The following RPL13A variants were observed in gnomAD, a reference collection of about 807,000 sequenced individuals.
The protein encoded by RPL13A is ribosomal protein L13a.
RPL13A carries 4 observed loss-of-function variants against 30.8 expected under a neutral mutation model. The ratio of observed to expected loss-of-function variants is 0.13; its 90% CI spans 0.06 to 0.30. RPL13A has a LOEUF of 0.30. Ranked by LOEUF, RPL13A falls within the 10% of genes least tolerant of loss-of-function variation. The pLI is 1.00. For synonymous variants in RPL13A, 108 were observed against 104.2 expected (o/e 1.04, Z -0.22); for missense variants, 196 against 272.6 (o/e 0.72, Z 1.98).
At chr19:49,487,923 G>A (rs1358749332) in intron 1 of RPL13A, among the ~76,000 whole-genome samples, 1 of 152,094 alleles carries the variant, frequency 6.6e-6, no homozygotes. Flanking sequence ...CTTGAACTCG[G>A]GTAGTGGGTG....
rs199924401 is a variant in RPL13A at position 49,491,076 on chromosome 19, G to A, written c.379G>A (p.Val127Met). Residue 127 changes from valine (V) to methionine (M), a missense_variant, in exon 6 of 8, where the codon GTG becomes ATG. Val to Met is a conservative substitution (Grantham distance 21). Transcript: ENST00000391857. Reference protein sequence around the residue: ...RMVVPAALKVVRLKPTRKFAY... With the variant: ...RMVVPAALKVMRLKPTRKFAY... ...GGTGGTTCCTGCTGCCCTCAAGGTC[G>A]TGCGTCTGAAGCCTACAAGAAAGGT... 642 of 1,614,086 alleles carry A rather than the reference G, an allele frequency of 4.0e-4. 1 individual carries two copies. The highest frequency in any genetic ancestry group is 4.9e-4 in the Non-Finnish European group (579 of 1,180,046).
At position 49,490,213 on chromosome 19, in the gene RPL13A, A is replaced by C; in HGVS notation, c.89-19A>C. ...ACCCTCAGGCGGCTCGGCCCTGCTA[A>C]GCCTTTCCCTCCCTCTAGGCCGGAA... On this transcript the variant is annotated intron_variant, in intron 2 of 7. Coordinates refer to ENST00000391857, the MANE Select transcript of RPL13A (RefSeq NM_012423.4). 1 of 1,613,798 alleles carries C rather than the reference A, an allele frequency of 6.2e-7. No homozygotes were observed. The highest frequency in any genetic ancestry group is 8.5e-7 in the Non-Finnish European group (1 of 1,179,906).
At chr19:49,490,707 G>A in intron 4 of RPL13A, 72 bp from the exon 5 acceptor site, 2 of 1,579,618 alleles carry the variant, frequency 1.3e-6, no homozygotes, top group Non-Finnish European at 1.7e-6. Context: ...CACCCCATGG[G>A]CCCACCTCAG....
At position 49,492,189 on chromosome 19, in the gene RPL13A, T is replaced by G; in HGVS notation, c.*374T>G. ...TGGGGACAGCATGAGCTTGCTGTTG[T>G]ACACAGGGTATTTCTAGAAGCAGAA... On this transcript the variant is annotated 3_prime_UTR_variant, in exon 8 of 8. Transcript: ENST00000391857. 1 of 199,912 alleles carries G rather than the reference T, an allele frequency of 5.0e-6. No homozygotes were observed. The highest frequency in any genetic ancestry group is 1.0e-5 in the Non-Finnish European group (1 of 96,032). 12.4% of individuals were successfully genotyped at this position (199,912 alleles called of 1,614,324 possible).
At position 49,491,869 on chromosome 19, in the gene RPL13A, G is replaced by A; in HGVS notation, c.*54G>A. 2.1e-6 allele frequency: 3 copies of A among 1,423,094 alleles called. No individual in the cohort carries two copies. The highest frequency in any genetic ancestry group is 1.7e-4 in the Middle Eastern group (1 of 5,744). 88.2% of individuals were successfully genotyped at this position (1,423,094 alleles called of 1,614,324 possible). A position where few individuals can be genotyped will look rare whatever the true frequency, so the allele number is the denominator to read the frequency against. ...CGTTGCCTGCCCTTCCTCCATTGTT[G>A]CCCTGGAATGTACGGGACCCAGGGG... On this transcript the variant is annotated 3_prime_UTR_variant, in exon 8 of 8. Transcript: ENST00000391857.
intron 1 of RPL13A, among the ~76,000 whole-genome samples, chr19:49,488,462 T>A (rs1415757307): frequency 5.3e-5 from 8 of 152,246 alleles, no homozygotes. Flanking sequence ...TCACCAAGCA[T>A]GTGTCTTTGT....
rs8113219 is a variant in RPL13A, at chr19:49,492,173, C to A, written c.*358C>A. ...AGAATGTGCAAGCACTTGGGGACAG[C>A]ATGAGCTTGCTGTTGTACACAGGGT... On this transcript the variant is annotated 3_prime_UTR_variant, in exon 8 of 8. Coordinates refer to ENST00000391857, the MANE Select transcript of RPL13A (RefSeq NM_012423.4). 3,566 of 230,084 alleles carry A rather than the reference C, an allele frequency of 0.015. 134 individuals carry two copies. Among genetic ancestry groups the A allele is most frequent in the African/African-American group, 0.075 (3,314 of 44,034 alleles). The allele number at this position is 230,084 out of a possible 1,614,324, so 14.3% of individuals were successfully genotyped here. A position where few individuals can be genotyped will look rare whatever the true frequency, so the allele number is the denominator to read the frequency against.
In RPL13A at chr19:49,492,148, A is replaced by T. The variant is rs2079877447; in HGVS notation, c.*333A>T. 3.6e-6 allele frequency: 1 copy of T among 275,182 alleles called. No homozygotes were observed. Among genetic ancestry groups the T allele is most frequent in the Non-Finnish European group, 7.1e-6 (1 of 140,760 alleles). The allele number at this position is 275,182 out of a possible 1,614,324, so 17.0% of individuals were successfully genotyped here. On this transcript the variant is annotated 3_prime_UTR_variant, in exon 8 of 8. Coordinates refer to ENST00000391857, the MANE Select transcript of RPL13A (RefSeq NM_012423.4). ...CCTGGTCATATACTCTGCAGCTGTT[A>T]GAATGTGCAAGCACTTGGGGACAGC...
intron 6 of RPL13A, 52 bp downstream of exon 6, chr19:49,491,151 G>GAGGGACCT: frequency 2.5e-6 from 4 of 1,597,574 alleles, no homozygotes; most frequent in Non-Finnish European, 3.4e-6. Context: ...CAGGCCTGCT[G>GAGGGACCT]AGGGACCTGG....
rs748359722 is a variant in RPL13A at position 49,491,830 on chromosome 19, G to T, written c.*15G>T. On this transcript the variant is annotated 3_prime_UTR_variant, in exon 8 of 8. Coordinates refer to ENST00000391857, the MANE Select transcript of RPL13A (RefSeq NM_012423.4). ...TCCTGGTCTGAGCCCAATAAAGACT[G>T]TTAATTCCTCATGCGTTGCCTGCCC... 2.5e-6 allele frequency: 4 copies of T among 1,582,386 alleles called. No homozygotes were observed. Among genetic ancestry groups the T allele is most frequent in the South Asian group, 2.2e-5 (2 of 89,364 alleles).
In RPL13A at chr19:49,490,595, C is replaced by G; in HGVS notation, c.256+19C>G. The G allele has an allele frequency of 6.2e-7, 1 of 1,612,782 alleles. No individual in the cohort carries two copies. The highest frequency in any genetic ancestry group is 8.5e-7 in the Non-Finnish European group (1 of 1,178,784). On this transcript the variant is annotated intron_variant, in intron 4 of 7. Transcript: ENST00000391857. The stretch of plus-strand genomic sequence containing the variant: ...GTGCGAGGTGAGCAGAGCGTGGGGA[C>G]TGCAGGTGGTGACGGGCAGGCGGCC...
Position 49,489,105 on chromosome 19 carries a change from T to G in RPL13A, c.16-745T>G, listed in dbSNP as rs573705199. On this transcript the variant is annotated intron_variant, in intron 1 of 7. Coordinates refer to ENST00000391857, the MANE Select transcript of RPL13A (RefSeq NM_012423.4). ...AGAGCTAGCATGGGCTTTTGACTACTCTGCCTAATCTCATCCCACCTGAAA... is the reference window on the plus strand; with the variant it reads ...AGAGCTAGCATGGGCTTTTGACTACGCTGCCTAATCTCATCCCACCTGAAA... 1.5e-4 allele frequency among the ~76,000 whole-genome samples: 23 copies of G among 152,236 alleles called. 1 individual carries two copies. The highest frequency in any genetic ancestry group is 2.9e-4 in the Non-Finnish European group (20 of 68,044).
chr19:49,490,184 T>C (rs745769541), intron 2 of RPL13A, 48 bp from the exon 3 acceptor site: 1 of 1,571,152 alleles, frequency 6.4e-7, no homozygotes, highest in Admixed American at 1.7e-5. Context: ...TAGGCAGTGG[T>C]GGGACCCTCA....
intron 1 of RPL13A, among the ~76,000 whole-genome samples, chr19:49,489,441 C>T (rs936584373): frequency 3.3e-5 from 5 of 152,262 alleles, no homozygotes; most frequent in African/African-American, 7.2e-5. Context: ...GTCACAGGAT[C>T]ACAGGACAGC....
rs2079877472 is a variant in RPL13A, at chr19:49,492,149, G to A, written c.*334G>A. 3.6e-6 allele frequency: 1 copy of A among 274,674 alleles called. No homozygotes were observed. Among genetic ancestry groups the A allele is most frequent in the Admixed American group, 4.8e-5 (1 of 20,972 alleles). 17.0% of individuals were successfully genotyped at this position (274,674 alleles called of 1,614,324 possible). A position where few individuals can be genotyped will look rare whatever the true frequency, so the allele number is the denominator to read the frequency against. ...CTGGTCATATACTCTGCAGCTGTTAGAATGTGCAAGCACTTGGGGACAGCA... is the reference window on the plus strand; with the variant it reads ...CTGGTCATATACTCTGCAGCTGTTAAAATGTGCAAGCACTTGGGGACAGCA... On this transcript the variant is annotated 3_prime_UTR_variant, in exon 8 of 8. Coordinates refer to ENST00000391857, the MANE Select transcript of RPL13A (RefSeq NM_012423.4).
chr19:49,490,858 C>T lies in RPL13A; in HGVS notation c.336C>T (p.Tyr112=), dbSNP rs149507614. Residue 112 remains tyrosine, a synonymous_variant, in exon 5 of 8, where the codon TAC becomes TAT. Coordinates refer to ENST00000391857, the MANE Select transcript of RPL13A (RefSeq NM_012423.4). The stretch of plus-strand genomic sequence containing the variant: ...TGTTTGACGGCATCCCACCGCCCTA[C>T]GACAAGGTGAGCTATGCCAAACCCC... ...LKVFDGIPPP[Y]DKKKRMVVPA... 2.1e-4 allele frequency: 336 copies of T among 1,614,146 alleles called. 2 individuals are homozygous for T. In the African/African-American group the frequency reaches 3.1e-3, roughly 15 times the overall value.
chr19:49,491,208 G>A (rs750631865), intron 6 of RPL13A, 109 bp downstream of exon 6: 11 of 1,373,864 alleles, frequency 8.0e-6, no homozygotes, highest in East Asian at 2.3e-5. Flanking sequence ...GATGGTCTGC[G>A]GATGTCCCTG....
intron 7 of RPL13A, 24 bp from the exon 8 acceptor site, chr19:49,491,705 A>G (rs2079873269): frequency 1.2e-6 from 2 of 1,609,574 alleles, no homozygotes; most frequent in Non-Finnish European, 1.7e-6. Flanking sequence ...CCTGACCACC[A>G]CCACCTGCAC....
intron 1 of RPL13A, among the ~76,000 whole-genome samples, chr19:49,488,972 C>T (rs1601159497): frequency 6.6e-6 from 1 of 152,208 alleles, no homozygotes. Flanking sequence ...TCTCAAAGTG[C>T]TGGGATTACA....
Sources: gnomAD v4.1 joint callset for allele counts (sites outside exome capture counted in the v4.1 genomes callset) on GRCh38, gnomAD v4.1.1 for gene constraint, MANE v1.5 for transcripts, NCBI Gene and HGNC (gene_info 2026-07-23, HGNC 2026-07-21) for gene names.